The following COL4A6 variants were observed in gnomAD, a reference collection of about 807,000 sequenced individuals.
COL4A6 encodes the protein collagen type IV alpha 6 chain.
In COL4A6, 59 loss-of-function variants were observed where a neutral mutation model predicts 126.7. The ratio of observed to expected loss-of-function variants is 0.47; its 90% CI spans 0.38 to 0.58. COL4A6 has a LOEUF of 0.58. Ranked by LOEUF, COL4A6 falls within the 20% of genes least tolerant of loss-of-function variation. The probability of loss-of-function intolerance (pLI) is 0.00; values close to 1 mark genes in which losing one functional copy is unlikely to be tolerated. For missense variants in COL4A6, 1,285 were observed against 1,337.3 expected (o/e 0.96, Z 0.61); for synonymous variants, 547 against 496.6 (o/e 1.10, Z -1.35).
chrX:108,194,754 C>A (rs898030248), intron 15 of COL4A6, 167 bp from the exon 16 acceptor site: 32 of 493,853 alleles, frequency 6.5e-5, no homozygotes, highest in Admixed American at 2.3e-4. Flanking sequence ...GAAGACAATA[C>A]GGCAGTAGGT....
chrX:108,376,741 T>A (rs1168096292), intron 2 of COL4A6, among the ~76,000 whole-genome samples: 1 of 113,265 alleles, frequency 8.8e-6, no homozygotes, highest in Non-Finnish European at 1.9e-5. Flanking sequence ...TTTGTTGCAA[T>A]TATTGCTCTT....
intron 3 of COL4A6, among the ~76,000 whole-genome samples, chrX:108,250,249 G>C (rs2036818891): frequency 9.1e-6 from 1 of 110,478 alleles, no homozygotes; most frequent in South Asian, 4.0e-4. Flanking sequence ...TAGTAAAGGA[G>C]CTCTGAAAGC....
chrX:108,406,156 A>G (rs1188073715), intron 2 of COL4A6, among the ~76,000 whole-genome samples: 1 of 111,218 alleles, frequency 9.0e-6, no homozygotes, highest in Non-Finnish European at 1.9e-5. Flanking sequence ...CTTTTTGTAG[A>G]GAAGAGGTCT....
At chrX:108,165,163 TG>T in intron 38 of COL4A6, 125 bp from the exon 39 acceptor site, 1 of 847,171 alleles carries the variant, frequency 1.2e-6, no homozygotes, top group Admixed American at 2.5e-5. Flanking sequence ...TCACCATCGG[TG>T]GGGTCCTAGT....
chrX:108,306,781 C>T (rs2038635597), intron 3 of COL4A6, among the ~76,000 whole-genome samples: 1 of 111,419 alleles, frequency 9.0e-6, no homozygotes, highest in Non-Finnish European at 1.9e-5. Flanking sequence ...AAATGGGGGA[C>T]AAACAGCCTT....
intron 3 of COL4A6, among the ~76,000 whole-genome samples, chrX:108,235,843 G>A (rs1002624522): frequency 4.5e-5 from 5 of 110,580 alleles, no homozygotes; most frequent in East Asian, 2.8e-4. Context: ...ATGGGAAATC[G>A]AGGAGGGGGG....
At chrX:108,319,198 G>A (rs760645965) in intron 2 of COL4A6, among the ~76,000 whole-genome samples, 4 of 111,997 alleles carry the variant, frequency 3.6e-5, no homozygotes, top group Non-Finnish European at 5.6e-5. Context: ...GCAACATGGT[G>A]ATACCCCATC....
chrX:108,174,346 G>A, intron 31 of COL4A6, 94 bp downstream of exon 31: 1 of 931,637 alleles, frequency 1.1e-6, no homozygotes, highest in Non-Finnish European at 1.5e-6. Flanking sequence ...GGGCTGAGAA[G>A]TAAGCTGGGA....
chrX:108,236,588 A>G (rs2036435550), intron 3 of COL4A6, among the ~76,000 whole-genome samples: 1 of 111,292 alleles, frequency 9.0e-6, no homozygotes, highest in South Asian at 3.9e-4. Flanking sequence ...ATACTAACCA[A>G]TAAAACAAAC....
chrX:108,234,385 A>T (rs1366848767), intron 3 of COL4A6, among the ~76,000 whole-genome samples: 1 of 111,485 alleles, frequency 9.0e-6, no homozygotes. Flanking sequence ...AATCCTCTTG[A>T]CTCTTCCCTG....
chrX:108,425,796 T>C (rs2064074254), intron 2 of COL4A6, among the ~76,000 whole-genome samples: 1 of 110,470 alleles, frequency 9.1e-6, no homozygotes, highest in Admixed American at 9.7e-5. Context: ...GATGTTTATG[T>C]TCATTTCAAG....
chrX:108,202,689 C>G (rs934632693), intron 13 of COL4A6, among the ~76,000 whole-genome samples: 1 of 111,905 alleles, frequency 8.9e-6, no homozygotes, highest in Non-Finnish European at 1.9e-5. Context: ...AAGCCTAGGT[C>G]TGTTTTAACT....
chrX:108,183,713 A>C, intron 23 of COL4A6: 7 of 924,724 alleles, frequency 7.6e-6, no homozygotes, highest in Non-Finnish European at 8.0e-6. Flanking sequence ...AGACCTAGCT[A>C]GCTCTCACCT....
intron 3 of COL4A6, among the ~76,000 whole-genome samples, chrX:108,280,209 G>A (rs1182447754): frequency 9.0e-6 from 1 of 111,349 alleles, no homozygotes; most frequent in Non-Finnish European, 1.9e-5. Context: ...CCAAGAGCTG[G>A]TTTTTTGAAA....
intron 3 of COL4A6, among the ~76,000 whole-genome samples, chrX:108,250,538 T>C (rs1395004985): frequency 6.3e-5 from 7 of 110,593 alleles, no homozygotes; most frequent in African/African-American, 2.3e-4. Context: ...TTTGTGTGCA[T>C]AGGCTCCCCT....
chrX:108,343,155 A>G (rs1412564360), intron 2 of COL4A6, among the ~76,000 whole-genome samples: 10 of 74,491 alleles, frequency 1.3e-4, no homozygotes, highest in Admixed American at 3.2e-4. Flanking sequence ...ATATATATAT[A>G]TATATATATA....
intron 5 of COL4A6, 70 bp downstream of exon 5, chrX:108,219,628 G>A: frequency 2.1e-6 from 2 of 972,851 alleles, no homozygotes; most frequent in East Asian, 3.1e-5. Flanking sequence ...TGTTGCTGAG[G>A]TCAAAGTGTC....
intron 3 of COL4A6, among the ~76,000 whole-genome samples, chrX:108,301,277 C>T (rs1399960098): frequency 8.9e-6 from 1 of 112,426 alleles, no homozygotes; most frequent in Non-Finnish European, 1.9e-5. Flanking sequence ...CATGACTCCT[C>T]ACAGAACTTG....
intron 2 of COL4A6, among the ~76,000 whole-genome samples, chrX:108,400,831 CCTA>C (rs1319979734): frequency 1.8e-5 from 2 of 111,521 alleles, no homozygotes; most frequent in East Asian, 5.6e-4. Context: ...GTGGCATTTG[CCTA>C]CTATTTTTTC....
Sources: gnomAD v4.1 joint callset for allele counts (sites outside exome capture counted in the v4.1 genomes callset) on GRCh38, gnomAD v4.1.1 for gene constraint, MANE v1.5 for transcripts, NCBI Gene and HGNC (gene_info 2026-07-23, HGNC 2026-07-21) for gene names.